HAL: variants seen among roughly 807,000 people sequenced by gnomAD.
HAL encodes the protein histidine ammonia-lyase, also known as histidase.
In HAL, 85 loss-of-function variants were observed where a neutral mutation model predicts 81.1. That is an observed-to-expected ratio of 1.05 (90% CI 0.88 to 1.25). HAL has a LOEUF of 1.25. Ranked by LOEUF, HAL falls within the 50% of genes most tolerant of loss-of-function variation. The pLI is 0.00. For synonymous variants in HAL, 301 were observed against 309.2 expected (o/e 0.97, Z 0.28); for missense variants, 798 against 836.6 (o/e 0.95, Z 0.57).
chr12:95,992,619 T>C, intron 9 of HAL, 61 bp downstream of exon 9: 1 of 1,468,618 alleles, frequency 6.8e-7, no homozygotes, highest in South Asian at 1.1e-5. Context: ...GCCAATCAAT[T>C]CTACCCTGTG....
rs116122784 is a variant in HAL, at chr12:95,974,041, G to C, written c.*191C>G. On this transcript the variant is annotated 3_prime_UTR_variant, in exon 21 of 21. Transcript: ENST00000261208. ...AAATACCTGGTGGGTCTTGAACCAC[G>C]ACAACAGGAACACAGTGCTGAATTT... 6.1e-6 allele frequency: 4 copies of C among 659,496 alleles called. No homozygotes were observed. The South Asian group carries it at 6.9e-5, about 11-fold the overall frequency. The allele number at this position is 659,496 out of a possible 1,614,324, so 40.9% of individuals were successfully genotyped here. A position where few individuals can be genotyped will look rare whatever the true frequency, so the allele number is the denominator to read the frequency against.
chr12:95,980,417 G>T, intron 17 of HAL, 139 bp downstream of exon 17: 1 of 790,458 alleles, frequency 1.3e-6, no homozygotes, highest in South Asian at 1.4e-5. Context: ...TGTTACCTTT[G>T]CACTGAGAGA....
intron 4 of HAL, among the ~76,000 whole-genome samples, chr12:95,994,546 T>C (rs1321096834): frequency 1.3e-5 from 2 of 152,132 alleles, no homozygotes; most frequent in East Asian, 1.9e-4. Flanking sequence ...CACGCCACCA[T>C]ACCTGGCTAA....
chr12:95,986,106 C>A lies in HAL; in HGVS notation c.1106G>T (p.Arg369Leu), dbSNP rs117991621. 3 of 1,613,136 alleles carry A rather than the reference C, an allele frequency of 1.9e-6. No individual in the cohort carries two copies. The highest frequency in any genetic ancestry group is 2.5e-6 in the Non-Finnish European group (3 of 1,179,156). Reference protein sequence around the residue: ...RGQIEVAFRFRSLLDSDHHPS... With the variant: ...RGQIEVAFRFLSLLDSDHHPS... Reference sequence around the variant, plus strand: ...GTGGTGATCTGAGTCCAAGAGTGACCGAAACCGAAAAGCAACTTCAATTTG... The same window carrying A: ...GTGGTGATCTGAGTCCAAGAGTGACAGAAACCGAAAAGCAACTTCAATTTG... Residue 369 changes from arginine to leucine, a missense_variant, in exon 13 of 21, where the codon CGG (arginine) becomes CTG (leucine). By Grantham distance (102) the Arg-to-Leu change is moderately radical. Transcript: ENST00000261208.
chr12:95,990,044 C>T (rs1949949852), intron 10 of HAL: 1 of 371,900 alleles, frequency 2.7e-6, no homozygotes, highest in Admixed American at 3.7e-5. Context: ...TGAGCCATAC[C>T]ACTGCACCTG....
Position 95,974,318 on chromosome 12 carries a change from C to G in HAL, c.1888G>C (p.Glu630Gln). 1 of 1,612,670 alleles carries G rather than the reference C, an allele frequency of 6.2e-7. No homozygotes were observed. Among genetic ancestry groups the G allele is most frequent in the Non-Finnish European group, 8.5e-7 (1 of 1,178,666 alleles). ...IEKYRMEHIP[E>Q]SRPLSPTAFS... ...GCTGTTGGAGAAAGAGGTCTTGATTCTGGAATATGCTCCATTCTGTATTTT... is the reference window on the plus strand; with the variant it reads ...GCTGTTGGAGAAAGAGGTCTTGATTGTGGAATATGCTCCATTCTGTATTTT... The change falls in exon 21 of 21, where the codon GAA (glutamate) becomes CAA (glutamine). Residue 630 changes from glutamate (E) to glutamine (Q), a missense_variant. Coordinates refer to ENST00000261208, the MANE Select transcript of HAL (RefSeq NM_002108.4).
chr12:95,988,288 G>T (rs755430665), intron 10 of HAL, 48 bp from the exon 11 acceptor site: 3 of 944,090 alleles, frequency 3.2e-6, no homozygotes, highest in South Asian at 2.6e-5. Flanking sequence ...TGAAATACTA[G>T]CCTATTTCCA....
chr12:95,994,667 G>T, intron 4 of HAL, 131 bp downstream of exon 4: 1 of 931,754 alleles, frequency 1.1e-6, no homozygotes, highest in Non-Finnish European at 1.8e-6. Context: ...TGGGACTACA[G>T]ACATGAGTCA....
intron 10 of HAL, 35 bp downstream of exon 10, chr12:95,990,358 C>T (rs1949953344): frequency 6.3e-7 from 1 of 1,589,952 alleles, no homozygotes; most frequent in Non-Finnish European, 8.6e-7. Context: ...CAACCTGGGG[C>T]AATTGCTGCA....
At chr12:95,976,787 C>T (rs2080726101) in intron 18 of HAL, 81 bp from the exon 19 acceptor site, 2 of 811,308 alleles carry the variant, frequency 2.5e-6, no homozygotes, top group Non-Finnish European at 4.3e-6. Context: ...AAAGTTGACA[C>T]CCATCACCAC....
In HAL at chr12:95,987,172, C is replaced by G; in HGVS notation, c.946G>C (p.Gly316Arg). 1 of 1,613,972 alleles carries G rather than the reference C, an allele frequency of 6.2e-7. No homozygotes were observed. The highest frequency in any genetic ancestry group is 8.5e-7 in the Non-Finnish European group (1 of 1,179,820). ...CTGGCTCGCTCTACAGCTTCACAGC[C>G]CAGGGATGTGATCATCTGCGTCCCA... ...INGTQMITSL[G>R]CEAVERASAI... The change falls in exon 12 of 21, where the codon GGC (glycine) becomes CGC (arginine). Residue 316 changes from glycine to arginine, a missense_variant. Gly to Arg is a moderately radical substitution (Grantham distance 125). Transcript: ENST00000261208.
Position 95,995,742 on chromosome 12 carries a change from G to A in HAL, c.169C>T (p.Arg57Trp), listed in dbSNP as rs756666507. 8.7e-6 allele frequency: 14 copies of A among 1,613,504 alleles called. No individual in the cohort carries two copies. In the East Asian group the frequency reaches 8.9e-5, roughly 10 times the overall value. Reference protein sequence around the residue: ...SVDDAHFLVRRCKGLGLLDNE... With the variant: ...SVDDAHFLVRWCKGLGLLDNE... ...TCCAGCAGGCCCAGGCCCTTGCACC[G>A]GCGCACAAGGAAGTGCGCGTCATCC... The change falls in exon 2 of 21, where the codon CGG becomes TGG. Residue 57 changes from arginine to tryptophan, a missense_variant. Physicochemically the swap from Arg to Trp is moderately radical, Grantham distance 101. Transcript: ENST00000261208.
intron 15 of HAL, among the ~76,000 whole-genome samples, chr12:95,983,078 C>T (rs771804177): frequency 5.9e-5 from 9 of 152,084 alleles, no homozygotes; most frequent in Non-Finnish European, 1.3e-4. Flanking sequence ...GAGCAAAGTG[C>T]GCATGACAAA....
chr12:95,974,356 G>T lies in HAL; in HGVS notation c.1850C>A (p.Ala617Asp). The T allele has an allele frequency of 6.2e-7, 1 of 1,613,532 alleles. No individual in the cohort carries two copies. Among genetic ancestry groups the T allele is most frequent in the South Asian group, 1.1e-5 (1 of 91,076 alleles). The change falls in exon 21 of 21, where the codon GCT becomes GAT. Residue 617 changes from alanine (A) to aspartate (D), a missense_variant. Coordinates refer to ENST00000261208, the MANE Select transcript of HAL (RefSeq NM_002108.4). ...LLEQKVWEVAAPYIEKYRMEH... is the reference protein window; with the variant it reads ...LLEQKVWEVADPYIEKYRMEH... Reference sequence around the variant, plus strand: ...CATTCTGTATTTTTCAATGTATGGAGCAGCTACTTCCCAAACCTGAAAAGC... The same window carrying T: ...CATTCTGTATTTTTCAATGTATGGATCAGCTACTTCCCAAACCTGAAAAGC...
rs2080685278 is a variant in HAL at position 95,974,012 on chromosome 12, C to T, written c.*220G>A. 1.7e-6 allele frequency: 1 copy of T among 587,534 alleles called. No homozygotes were observed. The highest frequency in any genetic ancestry group is 2.0e-5 in the South Asian group (1 of 49,404). The allele number at this position is 587,534 out of a possible 1,614,324, so 36.4% of individuals were successfully genotyped here. ...AAGAAAGAAAGAAAAGTTTTATAAT[C>T]TGAAAATACCTGGTGGGTCTTGAAC... On this transcript the variant is annotated 3_prime_UTR_variant, in exon 21 of 21. Coordinates refer to ENST00000261208, the MANE Select transcript of HAL (RefSeq NM_002108.4).
intron 4 of HAL, 79 bp from the exon 5 acceptor site, chr12:95,994,243 C>G: frequency 1.1e-6 from 1 of 908,736 alleles, no homozygotes; most frequent in South Asian, 1.3e-5. Context: ...CCAACAGAAC[C>G]AAACTGACAT....
chr12:95,995,066 G>A (rs745879477), intron 2 of HAL, 73 bp from the exon 3 acceptor site: 21 of 1,130,250 alleles, frequency 1.9e-5, no homozygotes, highest in South Asian at 2.5e-5. Context: ...ACCAAGGAAC[G>A]GCCCATCATT....
chr12:95,990,579 ACT>A (rs1383376193), intron 9 of HAL, 47 bp from the exon 10 acceptor site: 2 of 1,557,694 alleles, frequency 1.3e-6, no homozygotes, highest in South Asian at 1.1e-5. Flanking sequence ...CTGCATTCTG[ACT>A]CTCCTTGCTT....
chr12:95,990,253 C>G, intron 10 of HAL, 140 bp downstream of exon 10: 1 of 767,848 alleles, frequency 1.3e-6, no homozygotes, highest in Non-Finnish European at 2.3e-6. Flanking sequence ...TCTAAGCTTT[C>G]GCTGTCTCAT....
Sources: allele counts gnomAD v4.1 joint callset (sites outside exome capture counted in the v4.1 genomes callset), GRCh38; gene constraint gnomAD v4.1.1; transcripts MANE v1.5; gene names NCBI Gene and HGNC (gene_info 2026-07-23, HGNC 2026-07-21).